Variants in NEBL observed in about 807,000 individuals in gnomAD.
NEBL encodes the protein nebulette.
NEBL carries 122 observed loss-of-function variants against 140.2 expected under a neutral mutation model. The observed-to-expected ratio is 0.87, with a 90% confidence interval of 0.75 to 1.01. NEBL has a LOEUF of 1.01. Among genes scored for constraint, NEBL ranks in the 50% least tolerant of loss-of-function variants. The pLI is 0.00. For missense variants in NEBL, 1,365 were observed against 1,231.3 expected (o/e 1.11, Z -1.62); for synonymous variants, 436 against 398.9 (o/e 1.09, Z -1.11).
Position 20,784,773 on chromosome 10 carries a change from C to A in NEBL, c.*974G>T, listed in dbSNP as rs185994865. 4.5e-4 allele frequency: 68 copies of A among 152,286 alleles called. 1 individual carries two copies. Among genetic ancestry groups the A allele is most frequent in the Admixed American group, 4.1e-3 (63 of 15,290 alleles). The allele number at this position is 152,286 out of a possible 1,614,324, so 9.4% of individuals were successfully genotyped here. A position where few individuals can be genotyped will look rare whatever the true frequency, so the allele number is the denominator to read the frequency against. On this transcript the variant is annotated 3_prime_UTR_variant, in exon 28 of 28. Coordinates refer to ENST00000377122, the MANE Select transcript of NEBL (RefSeq NM_006393.3). ...TAAATCGCTTATTTACTAGAGTATA[C>A]ATGTTATTTCCTAAGATGTAAATCC...
chr10:21,259,992 C>T (rs376415505), intron 1 of NEBL, among the ~76,000 whole-genome samples: 4 of 152,220 alleles, frequency 2.6e-5, no homozygotes, highest in East Asian at 3.9e-4. Context: ...GGAGGCAGCA[C>T]GGAAGAGAAA....
intron 3 of NEBL, among the ~76,000 whole-genome samples, chr10:20,981,771 AC>A (rs1157439632): frequency 2.9e-4 from 44 of 152,204 alleles, no homozygotes; most frequent in Non-Finnish European, 2.1e-4. Flanking sequence ...CCACCTTGCG[AC>A]CATGAGGTAA....
intron 5 of NEBL, among the ~76,000 whole-genome samples, chr10:20,872,007 A>G (rs2131258394): frequency 6.6e-6 from 1 of 152,332 alleles, no homozygotes; most frequent in Admixed American, 6.5e-5. Flanking sequence ...CTAAGTTACT[A>G]CATTCATATG....
chr10:20,812,813 T>C lies in NEBL; in HGVS notation c.2474A>G (p.His825Arg). ...CCTGTCCATCTCCACGATGTGAGGG[T>C]GGACCCCTTTATAGGCAGCATCGCT... ...VVSDAAYKGV[H>R]PHIVEMDRRP... Residue 825 changes from histidine (H) to arginine (R), a missense_variant, in exon 24 of 28, where the codon CAC (histidine) becomes CGC (arginine). By Grantham distance (29) the His-to-Arg change is conservative. This residue lies in a region of NEBL where 1,323 missense variants were observed against 1,154.8 expected (regional missense o/e 1.15). Transcript: ENST00000377122. The C allele has an allele frequency of 1.2e-6, 2 of 1,613,926 alleles. No homozygotes were observed. Among genetic ancestry groups the C allele is most frequent in the Non-Finnish European group, 1.7e-6 (2 of 1,179,934 alleles).
Position 21,076,577 on chromosome 10 carries a change from G to A in NEBL, c.165-56376C>T, listed in dbSNP as rs148013446. On this transcript the variant is annotated intron_variant, in intron 2 of 6. Transcript: ENST00000417816. ...TTTATACATCCATGGTCATAGCAGC[G>A]TTGACCACAACAGATAAAAGGCAGA... is the stretch of plus-strand genomic sequence containing the variant. 1.8e-4 allele frequency among the ~76,000 whole-genome samples: 27 copies of A among 151,464 alleles called. No individual in the cohort carries two copies. In the East Asian group the frequency reaches 3.3e-3, roughly 18 times the overall value.
At chr10:21,121,461 C>T (rs891412184) in intron 2 of NEBL, among the ~76,000 whole-genome samples, 1 of 152,168 alleles carries the variant, frequency 6.6e-6, no homozygotes, top group African/African-American at 2.4e-5. Context: ...CCCTGCCACC[C>T]TTGGACATCA....
In NEBL at chr10:20,812,954, A is replaced by C. The variant is rs1238158576; in HGVS notation, c.2347-14T>G. ...ATGGTATTTTACCTGAAAAAGGAAA[A>C]ATCATCATACTGAATTTTGCGGATA... On this transcript the variant is annotated splice_polypyrimidine_tract_variant and intron_variant, in intron 23 of 27. Transcript: ENST00000377122. The C allele has an allele frequency of 6.2e-7, 1 of 1,611,290 alleles. No homozygotes were observed. Among genetic ancestry groups the C allele is most frequent in the East Asian group, 2.2e-5 (1 of 44,774 alleles).
chr10:21,218,856 G>C (rs979468606), intron 3 of NEBL, among the ~76,000 whole-genome samples: 2 of 152,220 alleles, frequency 1.3e-5, no homozygotes, highest in Non-Finnish European at 2.9e-5. Context: ...GCTAACGGGA[G>C]ATAAGGGTTA....
chr10:21,066,013 A>C (rs1835521189), intron 2 of NEBL, among the ~76,000 whole-genome samples: 2 of 152,126 alleles, frequency 1.3e-5, no homozygotes, highest in Admixed American at 6.6e-5. Flanking sequence ...CTCCATCCTC[A>C]ATTCACCCTC....
At position 20,781,680 on chromosome 10, in the gene NEBL, A is replaced by G. The variant is rs984044521; in HGVS notation, c.*4067T>C. On this transcript the variant is annotated 3_prime_UTR_variant, in exon 28 of 28. Coordinates refer to ENST00000377122, the MANE Select transcript of NEBL (RefSeq NM_006393.3). ...AGATTCTTCCAAGTTTATGGGTTCA[A>G]GTAGTCTAAGCATCACAGAATAATA... is the stretch of plus-strand genomic sequence containing the variant. The G allele has an allele frequency of 2.0e-5, 3 of 152,628 alleles. No individual in the cohort carries two copies. Among genetic ancestry groups the G allele is most frequent in the Admixed American group, 2.0e-4 (3 of 15,266 alleles). 9.5% of individuals were successfully genotyped at this position (152,628 alleles called of 1,614,324 possible). A position where few individuals can be genotyped will look rare whatever the true frequency, so the allele number is the denominator to read the frequency against.
intron 3 of NEBL, among the ~76,000 whole-genome samples, chr10:21,183,700 A>G (rs535119178): frequency 6.6e-6 from 1 of 152,310 alleles, no homozygotes; most frequent in East Asian, 1.9e-4. Flanking sequence ...CCTGGGAATG[A>G]GGCCCCACTT....
chr10:21,115,202 G>A (rs1348276281), intron 2 of NEBL, among the ~76,000 whole-genome samples: 1 of 151,540 alleles, frequency 6.6e-6, no homozygotes, highest in Admixed American at 6.6e-5. Context: ...CCCCTTCCTG[G>A]CCTTTGTGCT....
At chr10:20,845,476 C>T in intron 11 of NEBL, 108 bp from the exon 12 acceptor site, 1 of 711,460 alleles carries the variant, frequency 1.4e-6, no homozygotes, top group Non-Finnish European at 2.5e-6. Flanking sequence ...TTAGGTAGTT[C>T]TACCACCTGA....
At chr10:21,255,715 C>T (rs67484996) in intron 1 of NEBL, among the ~76,000 whole-genome samples, 28,377 of 151,890 alleles carry the variant, frequency 0.19, 2,976 homozygotes, top group African/African-American at 0.24. Context: ...GATTCATCTC[C>T]GGCTGGGCGC....
In NEBL at chr10:21,064,872, T is replaced by C. The variant is rs192238544; in HGVS notation, c.165-44671A>G. On this transcript the variant is annotated intron_variant, in intron 2 of 6. Coordinates refer to the NEBL transcript ENST00000417816. The stretch of plus-strand genomic sequence containing the variant: ...CTTACAGACAGATCATAAAAAGCAA[T>C]CTGAGAAAGGAAATTAGGTGGTTTG... Among the ~76,000 whole-genome samples the C allele has an allele frequency of 1.2e-3, 187 of 150,550 alleles. 1 individual carries two copies. The highest frequency in any genetic ancestry group is 4.0e-3 in the African/African-American group (163 of 40,914).
intron 4 of NEBL, among the ~76,000 whole-genome samples, chr10:20,940,178 G>C (rs1210942190): frequency 2.0e-5 from 3 of 152,054 alleles, no homozygotes; most frequent in African/African-American, 4.8e-5. Flanking sequence ...TGACCACATA[G>C]TTGGAAGTAA....
chr10:21,237,911 C>CTCCCTG (rs765369659), intron 3 of NEBL, among the ~76,000 whole-genome samples: 15 of 152,164 alleles, frequency 9.9e-5, no homozygotes, highest in Admixed American at 1.3e-4. Flanking sequence ...CCAGCCATAT[C>CTCCCTG]TCCCTGATGT....
chr10:20,985,887 T>A (rs531272007), intron 3 of NEBL, among the ~76,000 whole-genome samples: 3 of 152,320 alleles, frequency 2.0e-5, no homozygotes, highest in African/African-American at 7.2e-5. Flanking sequence ...AGAATGGGCC[T>A]ACAGGTGAGT....
chr10:20,969,896 C>G (rs1307824106), intron 3 of NEBL, among the ~76,000 whole-genome samples: 1 of 151,976 alleles, frequency 6.6e-6, no homozygotes, highest in Non-Finnish European at 1.5e-5. Context: ...AAAAATTACC[C>G]CTAAGACACT....
Sources: gnomAD v4.1 joint callset for allele counts (sites outside exome capture counted in the v4.1 genomes callset) on GRCh38, gnomAD v4.1.1 for gene constraint, gnomAD v4.1.1 regional missense constraint, MANE v1.5 for transcripts, NCBI Gene and HGNC (gene_info 2026-07-23, HGNC 2026-07-21) for gene names.